The following DIAPH2 variants were observed in gnomAD, a reference collection of about 807,000 sequenced individuals.
DIAPH2 encodes protein diaphanous homolog 2.
In DIAPH2, 35 loss-of-function variants were observed where a neutral mutation model predicts 92.7. That is an observed-to-expected ratio of 0.38 (90% CI 0.29 to 0.50). The LOEUF is 0.50. Among genes scored for constraint, DIAPH2 ranks in the 20% least tolerant of loss-of-function variants. The probability of loss-of-function intolerance (pLI) is 0.94; values close to 1 mark genes in which losing one functional copy is unlikely to be tolerated. For missense variants in DIAPH2, 701 were observed against 819.5 expected (o/e 0.86, Z 1.77); for synonymous variants, 301 against 280.4 (o/e 1.07, Z -0.73).
rs377128611 is a variant in DIAPH2, at chrX:97,425,006, CAA to C, written c.3146-4643_3146-4642del. ...ATAGCATTAAAGAATTTTAATAAAA[CAA>C]TATCTATAATGTTATACATTTTTAT... On this transcript the variant is annotated intron_variant, in intron 25 of 26. Transcript: ENST00000324765. Among the ~76,000 whole-genome samples, 328 of 112,166 alleles carry C rather than the reference CAA, an allele frequency of 2.9e-3. 1 individual carries two copies. The highest frequency in any genetic ancestry group is 8.4e-3 in the African/African-American group (261 of 30,935).
Position 97,205,478 on chromosome X carries a change from G to GA in DIAPH2, c.2720-42227dup, listed in dbSNP as rs1380477522. On this transcript the variant is annotated intron_variant, in intron 22 of 26. Transcript: ENST00000324765. The stretch of plus-strand genomic sequence containing the variant: ...ACAAGGAACTTAAGCATATTTACAA[G>GA]AAAAAAAAAATCAAAAAGTAGGCAA... Among the ~76,000 whole-genome samples, 134 of 106,692 alleles carry GA rather than the reference G, an allele frequency of 1.3e-3. 2 individuals are homozygous for GA. The highest frequency in any genetic ancestry group is 4.0e-3 in the African/African-American group (117 of 29,445). The allele number at this position is 106,692 out of a possible 115,157, so 92.6% of individuals were successfully genotyped here.
intron 26 of DIAPH2, among the ~76,000 whole-genome samples, chrX:97,525,443 A>G (rs2071018478): frequency 8.9e-6 from 1 of 112,177 alleles, no homozygotes; most frequent in Non-Finnish European, 1.9e-5. Context: ...CAGTTCTTGC[A>G]TGGTGCTTTC....
chrX:97,223,391 C>T (rs1466293323), intron 22 of DIAPH2, among the ~76,000 whole-genome samples: 3 of 110,875 alleles, frequency 2.7e-5, no homozygotes, highest in East Asian at 2.8e-4. Flanking sequence ...TGATTCAAAT[C>T]GACTTATATC....
chrX:96,818,935 C>T (rs928191558), intron 4 of DIAPH2, among the ~76,000 whole-genome samples: 1 of 112,610 alleles, frequency 8.9e-6, no homozygotes, highest in Non-Finnish European at 1.9e-5. Context: ...TGTTCCACCT[C>T]AGATCATCAG....
At chrX:96,795,623 A>G (rs1245854033) in intron 4 of DIAPH2, among the ~76,000 whole-genome samples, 1 of 111,967 alleles carries the variant, frequency 8.9e-6, no homozygotes, top group Non-Finnish European at 1.9e-5. Flanking sequence ...TTTTTGAAAC[A>G]CCATTATTAT....
At chrX:96,981,303 G>T (rs1328031388) in intron 17 of DIAPH2, among the ~76,000 whole-genome samples, 5 of 111,336 alleles carry the variant, frequency 4.5e-5, no homozygotes, top group Non-Finnish European at 7.5e-5. Flanking sequence ...TGTATGGTTG[G>T]CCCACTTAAA....
chrX:96,770,333 G>T (rs1465995244), intron 4 of DIAPH2, among the ~76,000 whole-genome samples: 1 of 111,816 alleles, frequency 8.9e-6, no homozygotes, highest in African/African-American at 3.2e-5. Flanking sequence ...TGCTTTGTAG[G>T]CTGTTAAGCT....
At chrX:96,788,314 A>G in intron 4 of DIAPH2, among the ~76,000 whole-genome samples, 1 of 111,812 alleles carries the variant, frequency 8.9e-6, no homozygotes, top group Non-Finnish European at 1.9e-5. Flanking sequence ...GTAACCTGGA[A>G]TGATAATAAT....
chrX:97,031,600 T>C (rs2066374931), intron 17 of DIAPH2, among the ~76,000 whole-genome samples: 1 of 111,662 alleles, frequency 9.0e-6, no homozygotes, highest in Non-Finnish European at 1.9e-5. Flanking sequence ...AATTCACATT[T>C]ATTAAATGCA....
intron 4 of DIAPH2, among the ~76,000 whole-genome samples, chrX:96,785,210 G>C (rs1370354578): frequency 3.6e-5 from 4 of 111,476 alleles, no homozygotes; most frequent in Non-Finnish European, 7.5e-5. Flanking sequence ...ATAGATACTA[G>C]GTGAAAGGGA....
At chrX:97,202,208 G>A (rs992021688) in intron 22 of DIAPH2, among the ~76,000 whole-genome samples, 1 of 111,701 alleles carries the variant, frequency 9.0e-6, no homozygotes, top group African/African-American at 3.3e-5. Flanking sequence ...CTACAAAAAC[G>A]TACCAAAATA....
At chrX:97,136,674 G>T in intron 21 of DIAPH2, among the ~76,000 whole-genome samples, 1 of 110,999 alleles carries the variant, frequency 9.0e-6, no homozygotes, top group Non-Finnish European at 1.9e-5. Flanking sequence ...AATTTGAGCT[G>T]CCATCCTTTT....
rs888159935 is a variant in DIAPH2 at position 97,308,450 on chromosome X, C to T, written c.2845-39666C>T. The stretch of plus-strand genomic sequence containing the variant: ...CTTTGCTTGCTATACTCCCTTTTCC[C>T]TCACTTCTGTACAGCCTACAAGTCT... On this transcript the variant is annotated intron_variant, in intron 23 of 26. Coordinates refer to ENST00000324765, the MANE Select transcript of DIAPH2 (RefSeq NM_006729.5). Among the ~76,000 whole-genome samples the T allele has an allele frequency of 2.6e-4, 29 of 109,808 alleles. 1 individual carries two copies. The highest frequency in any genetic ancestry group is 8.6e-4 in the African/African-American group (26 of 30,251).
At chrX:97,245,145 T>C (rs2068130280) in intron 22 of DIAPH2, among the ~76,000 whole-genome samples, 1 of 110,280 alleles carries the variant, frequency 9.1e-6, no homozygotes. Flanking sequence ...TGTTTTTTGT[T>C]TTTTTCTTTA....
At chrX:97,102,308 T>G (rs763083305) in intron 20 of DIAPH2, among the ~76,000 whole-genome samples, 29 of 111,735 alleles carry the variant, frequency 2.6e-4, no homozygotes, top group Non-Finnish European at 4.3e-4. Flanking sequence ...TCCTCAAGTC[T>G]TCTGTCTCCT....
intron 22 of DIAPH2, among the ~76,000 whole-genome samples, chrX:97,220,708 A>C (rs760853463): frequency 7.1e-5 from 8 of 111,997 alleles, no homozygotes; most frequent in Non-Finnish European, 1.3e-4. Context: ...GAATGTTTCA[A>C]ACTCTACTTT....
intron 23 of DIAPH2, among the ~76,000 whole-genome samples, chrX:97,293,064 T>C (rs750727175): frequency 9.1e-6 from 1 of 109,857 alleles, no homozygotes; most frequent in East Asian, 2.9e-4. Context: ...AACATGAAAG[T>C]GAAAAAGGAT....
At chrX:96,691,138 G>A (rs1569366740) in intron 1 of DIAPH2, among the ~76,000 whole-genome samples, 1 of 111,515 alleles carries the variant, frequency 9.0e-6, no homozygotes, top group East Asian at 2.8e-4. Context: ...CATAATATAT[G>A]CTAATTTATA....
chrX:97,599,253 A>C lies in DIAPH2; in HGVS notation c.3242A>C (p.Asp1081Ala). The stretch of plus-strand genomic sequence containing the variant: ...GGTCCTTTTTCTGTTTGTCTTACAG[A>C]TAACAGACGAGTACCTTTGGAAAGG... The part of the protein sequence containing the change: ...DRRKRIPRNP[D>A]NRRVPLERSR... The change falls in exon 27 of 27, where the codon GAT becomes GCT. Residue 1081 changes from aspartate to alanine, a missense_variant and splice_region_variant. Coordinates refer to ENST00000324765, the MANE Select transcript of DIAPH2 (RefSeq NM_006729.5). 8.4e-7 allele frequency: 1 copy of C among 1,186,557 alleles called. No individual in the cohort carries two copies. The highest frequency in any genetic ancestry group is 1.1e-6 in the Non-Finnish European group (1 of 878,071).
Sources: gnomAD v4.1 joint callset for allele counts (sites outside exome capture counted in the v4.1 genomes callset) on GRCh38, gnomAD v4.1.1 for gene constraint, MANE v1.5 for transcripts, NCBI Gene and HGNC (gene_info 2026-07-23, HGNC 2026-07-21) for gene names.